The following TERF1 variants were observed in gnomAD, a reference collection of about 807,000 sequenced individuals.
The protein encoded by TERF1 is telomeric repeat-binding factor 1.
TERF1 carries 20 observed loss-of-function variants against 55.1 expected under a neutral mutation model. That is an observed-to-expected ratio of 0.36 (90% confidence interval 0.26 to 0.53). The LOEUF (loss-of-function observed/expected upper bound fraction) is 0.53, where lower values mean the gene tolerates loss of function less well. Ranked by LOEUF, TERF1 falls within the 20% of genes least tolerant of loss-of-function variation. The pLI, the probability that TERF1 is intolerant of heterozygous loss-of-function variation, is 0.91. For missense variants in TERF1, 439 were observed against 535.7 expected (o/e 0.82, Z 1.78); for synonymous variants, 168 against 181.2 (o/e 0.93, Z 0.59).
At chr8:73,012,615 G>A (rs1380956071) in intron 1 of TERF1, 3 of 173,054 alleles carry the variant, frequency 1.7e-5, no homozygotes, top group African/African-American at 4.8e-5. Flanking sequence ...GGAGCTTGCA[G>A]TGAGTGGAGA....
At chr8:73,037,732 G>C (rs1187540439) in intron 8 of TERF1, among the ~76,000 whole-genome samples, 7 of 77,350 alleles carry the variant, frequency 9.0e-5, no homozygotes, top group African/African-American at 4.1e-4. Context: ...ATATTATATA[G>C]TATGAAATAT....
intron 5 of TERF1, 47 bp from the exon 6 acceptor site, chr8:73,026,893 T>G: frequency 2.9e-6 from 4 of 1,390,684 alleles, no homozygotes; most frequent in Non-Finnish European, 4.1e-6. Flanking sequence ...TTAAAATGGC[T>G]TAATGCATTT....
At position 73,024,978 on chromosome 8, in the gene TERF1, A is replaced by T; in HGVS notation, c.774+7A>T. 6.6e-7 allele frequency: 1 copy of T among 1,518,790 alleles called. No homozygotes were observed. Among genetic ancestry groups the T allele is most frequent in the Non-Finnish European group, 8.9e-7 (1 of 1,122,980 alleles). 94.1% of individuals were successfully genotyped at this position (1,518,790 alleles called of 1,614,324 possible). A position where few individuals can be genotyped will look rare whatever the true frequency, so the allele number is the denominator to read the frequency against. ...ATCAACCTTTCTAATGAAGGTATAC[A>T]TATTATTCAAGAGTGACTAATAATA... On this transcript the variant is annotated splice_region_variant and intron_variant, in intron 5 of 9. Transcript: ENST00000276603.
At position 73,037,082 on chromosome 8, in the gene TERF1, CATATA is replaced by C. The variant is rs1468472848; in HGVS notation, c.1040-2028_1040-2024del. On this transcript the variant is annotated intron_variant, in intron 8 of 9. Transcript: ENST00000276603. ...TATAATATATATAATAATTATACTA[CATATA>C]ATATATATCATATATTATATAAAAC... Among the ~76,000 whole-genome samples, 5 of 130,616 alleles carry C rather than the reference CATATA, an allele frequency of 3.8e-5. No homozygotes were observed. In the South Asian group the frequency reaches 9.0e-4, roughly 23 times the overall value. The allele number at this position is 130,616 out of a possible 152,430, so 85.7% of individuals were successfully genotyped here.
rs1810103373 is a variant in TERF1 at position 73,047,787 on chromosome 8, A to T, written c.*1650A>T. ...CCTTTATCTTGTTACACCACAAGAT[A>T]CTGCACTATTTATTGGAGATATTTT... On this transcript the variant is annotated 3_prime_UTR_variant, in exon 10 of 10. Transcript: ENST00000276603. 6.6e-6 allele frequency: 1 copy of T among 152,236 alleles called. No individual in the cohort carries two copies. Among genetic ancestry groups the T allele is most frequent in the South Asian group, 2.1e-4 (1 of 4,828 alleles). 9.4% of individuals were successfully genotyped at this position (152,236 alleles called of 1,614,324 possible). A position where few individuals can be genotyped will look rare whatever the true frequency, so the allele number is the denominator to read the frequency against.
intron 8 of TERF1, among the ~76,000 whole-genome samples, chr8:73,036,900 A>C (rs905623442): frequency 1.4e-5 from 2 of 144,172 alleles, no homozygotes; most frequent in Admixed American, 1.4e-4. Context: ...TTAATTTCCA[A>C]ATATCTTTCT....
rs772278457 is a variant in TERF1 at position 73,022,324 on chromosome 8, A to G, written c.624+22A>G. ...TATGGTAATTATTTAAATTAAAACC[A>G]TAGAATTTTAGAAGTGTTTATGTAG... On this transcript the variant is annotated intron_variant, in intron 4 of 9. Coordinates refer to ENST00000276603, the MANE Select transcript of TERF1 (RefSeq NM_017489.3). 8 of 1,461,344 alleles carry G rather than the reference A, an allele frequency of 5.5e-6. No individual in the cohort carries two copies. The East Asian group carries it at 9.3e-5, about 17-fold the overall frequency. The allele number at this position is 1,461,344 out of a possible 1,614,324, so 90.5% of individuals were successfully genotyped here.
chr8:73,034,016 T>G (rs1586057053), intron 8 of TERF1, among the ~76,000 whole-genome samples: 1 of 152,282 alleles, frequency 6.6e-6, no homozygotes, highest in East Asian at 1.9e-4. Flanking sequence ...AGTGGTGAGA[T>G]CTTGGCTCAC....
In TERF1 at chr8:73,024,944, T is replaced by G; in HGVS notation, c.747T>G (p.Ser249Arg). ...AGAGTTATGTGAATTATGTGCTAAGTGAAAAATCATCAACCTTTCTAATGA... is the reference window on the plus strand; with the variant it reads ...AGAGTTATGTGAATTATGTGCTAAGGGAAAAATCATCAACCTTTCTAATGA... ...KIKSYVNYVL[S>R]EKSSTFLMKA... is the part of the protein sequence containing the mutation. Residue 249 changes from serine to arginine, a missense_variant, in exon 5 of 10, where the codon AGT becomes AGG. By Grantham distance (110) the Ser-to-Arg change is moderately radical. This residue lies in a region of TERF1 where 95 missense variants were observed against 167.2 expected (regional missense o/e 0.57). Transcript: ENST00000276603. 1 of 1,574,796 alleles carries G rather than the reference T, an allele frequency of 6.4e-7. No homozygotes were observed. Among genetic ancestry groups the G allele is most frequent in the Non-Finnish European group, 8.6e-7 (1 of 1,164,252 alleles).
At chr8:73,040,923 T>C (rs1259264982) in intron 9 of TERF1, among the ~76,000 whole-genome samples, 1 of 152,228 alleles carries the variant, frequency 6.6e-6, no homozygotes, top group African/African-American at 2.4e-5. Flanking sequence ...TGTTACCATG[T>C]TGATTTCTGG....
At position 73,008,922 on chromosome 8, in the gene TERF1, G is replaced by A. The variant is rs977283918; in HGVS notation, c.36G>A (p.Pro12=). The A allele has an allele frequency of 3.1e-6, 5 of 1,611,716 alleles. No homozygotes were observed. Among genetic ancestry groups the A allele is most frequent in the Non-Finnish European group, 4.2e-6 (5 of 1,179,198 alleles). The change falls in exon 1 of 10, where the codon CCG becomes CCA. Residue 12 remains proline, a synonymous_variant. Transcript: ENST00000276603. ...AEDVSSAAPS[P]RGCADGRDAD... is the part of the protein sequence containing the mutation. ...ATGTTTCCTCAGCGGCCCCGAGCCC[G>A]CGGGGCTGTGCGGATGGTAGGGATG...
At chr8:73,023,868 T>G (rs1165428029) in intron 4 of TERF1, among the ~76,000 whole-genome samples, 1 of 152,224 alleles carries the variant, frequency 6.6e-6, no homozygotes, top group Non-Finnish European at 1.5e-5. Context: ...GACTGTAAAT[T>G]GGTACTTCTT....
In TERF1 at chr8:73,015,514, C is replaced by G. The variant is rs532645390; in HGVS notation, c.415+1524C>G. Among the ~76,000 whole-genome samples, 64 of 151,876 alleles carry G rather than the reference C, an allele frequency of 4.2e-4. No homozygotes were observed. The East Asian group carries it at 8.3e-3, about 20-fold the overall frequency. On this transcript the variant is annotated intron_variant, in intron 2 of 9. Coordinates refer to ENST00000276603, the MANE Select transcript of TERF1 (RefSeq NM_017489.3). ...CCTAAGAATTTGACACCAGCCTAGG[C>G]AACATAGCGAGACCCTGTCTCTACA...
chr8:73,016,140 A>AT (rs1393726771), intron 2 of TERF1, among the ~76,000 whole-genome samples: 1 of 152,076 alleles, frequency 6.6e-6, no homozygotes, highest in Non-Finnish European at 1.5e-5. Context: ...CAAATGAGAT[A>AT]TTTTACCTTT....
At chr8:73,037,168 TTATAA>T (rs541511749) in intron 8 of TERF1, among the ~76,000 whole-genome samples, 1,116 of 83,242 alleles carry the variant, frequency 0.013, 12 homozygotes, top group African/African-American at 0.035. Flanking sequence ...ATAATTTATA[TTATAA>T]TATATAATAT....
rs183411099 is a variant in TERF1 at position 73,039,959 on chromosome 8, G to A, written c.1143+740G>A. On this transcript the variant is annotated intron_variant, in intron 9 of 9. Transcript: ENST00000276603. ...AGCTACTGCACCCAGTCAGGCCCTT[G>A]TTTTCTTTTGTGGCTGGAACCGTTT... 2.1e-5 allele frequency among the ~76,000 whole-genome samples: 3 copies of A among 146,226 alleles called. No homozygotes were observed. In the East Asian group the frequency reaches 6.1e-4, roughly 30 times the overall value.
intron 6 of TERF1, 54 bp downstream of exon 6, chr8:73,027,106 A>G: frequency 7.9e-7 from 1 of 1,262,480 alleles, no homozygotes; most frequent in Non-Finnish European, 1.1e-6. Flanking sequence ...TTCTGTCTTT[A>G]TGTAAAATTG....
Position 73,020,798 on chromosome 8 carries a change from A to C in TERF1, c.530A>C (p.Lys177Thr). Residue 177 changes from lysine (K) to threonine (T), a missense_variant, in exon 3 of 10, where the codon AAA (lysine) becomes ACA (threonine). Coordinates refer to ENST00000276603, the MANE Select transcript of TERF1 (RefSeq NM_017489.3). ...CATGAAGAAATACAGAATTTAATTA[A>C]AATTCAGGTATGAATAAATTACTTT... ...KLHEEIQNLI[K>T]IQAIAVCMEN... 1 of 1,388,014 alleles carries C rather than the reference A, an allele frequency of 7.2e-7. No individual in the cohort carries two copies. 86.0% of individuals were successfully genotyped at this position (1,388,014 alleles called of 1,614,324 possible).
At chr8:73,024,205 G>GCC (rs1326683489) in intron 4 of TERF1, among the ~76,000 whole-genome samples, 1 of 152,218 alleles carries the variant, frequency 6.6e-6, no homozygotes. Context: ...CAATAGGCAT[G>GCC]AAGAATGGAT....
Sources: allele counts gnomAD v4.1 joint callset (sites outside exome capture counted in the v4.1 genomes callset), GRCh38; gene constraint gnomAD v4.1.1; regional missense constraint gnomAD v4.1.1; transcripts MANE v1.5; gene names NCBI Gene and HGNC (gene_info 2026-07-23, HGNC 2026-07-21).